Variants in PALM2AKAP2 observed in about 807,000 individuals in gnomAD.
PALM2AKAP2 encodes the protein PALM2 and AKAP2 fusion.
In PALM2AKAP2, 37 loss-of-function variants were observed where a neutral mutation model predicts 71.5. The observed-to-expected ratio is 0.52, with a 90% CI of 0.40 to 0.68. The LOEUF is 0.68. Ranked by LOEUF, PALM2AKAP2 falls within the 30% of genes least tolerant of loss-of-function variation. PALM2AKAP2 has a pLI of 0.00. For synonymous variants in PALM2AKAP2, 468 were observed against 478.8 expected (o/e 0.98, Z 0.29); for missense variants, 1,224 against 1,191.8 (o/e 1.03, Z -0.40).
intron 1 of PALM2AKAP2, among the ~76,000 whole-genome samples, chr9:109,747,623 T>G (rs2118702428): frequency 6.6e-6 from 1 of 152,294 alleles, no homozygotes; most frequent in East Asian, 1.9e-4. Context: ...AAATATTGAA[T>G]CATGAAGTAA....
At chr9:109,913,780 G>A (rs865835405) in intron 3 of PALM2AKAP2, among the ~76,000 whole-genome samples, 10 of 145,610 alleles carry the variant, frequency 6.9e-5, no homozygotes, top group South Asian at 2.2e-4. Flanking sequence ...TTTTTGAGAC[G>A]GAGTCTGGCT....
chr9:109,728,464 G>A (rs969907626), intron 1 of PALM2AKAP2, among the ~76,000 whole-genome samples: 3 of 152,148 alleles, frequency 2.0e-5, no homozygotes, highest in Admixed American at 6.5e-5. Flanking sequence ...TAAAAGAAGC[G>A]AGCTGAGAAA....
At chr9:109,743,230 G>A (rs1431728451) in intron 1 of PALM2AKAP2, among the ~76,000 whole-genome samples, 6 of 152,164 alleles carry the variant, frequency 3.9e-5, no homozygotes. Flanking sequence ...ACTGCATCCT[G>A]GGAAGTGTAG....
chr9:109,781,154 C>T (rs1251869510), intron 1 of PALM2AKAP2, among the ~76,000 whole-genome samples: 1 of 152,168 alleles, frequency 6.6e-6, no homozygotes, highest in African/African-American at 2.4e-5. Flanking sequence ...TATCTGAAAA[C>T]CTATTTTCAG....
intron 1 of PALM2AKAP2, among the ~76,000 whole-genome samples, chr9:109,828,412 T>C (rs1485364341): frequency 6.6e-6 from 1 of 152,230 alleles, no homozygotes. Context: ...GACTAATCCA[T>C]GCATGAAGCT....
intron 1 of PALM2AKAP2, among the ~76,000 whole-genome samples, chr9:109,719,035 G>T (rs553347883): frequency 6.6e-6 from 1 of 152,214 alleles, no homozygotes; most frequent in East Asian, 1.9e-4. Flanking sequence ...AATAAAAACA[G>T]TCACTTCATA....
intron 6 of PALM2AKAP2, among the ~76,000 whole-genome samples, chr9:109,999,384 A>C (rs1366821808): frequency 2.0e-5 from 3 of 151,862 alleles, no homozygotes; most frequent in Non-Finnish European, 2.9e-5. Flanking sequence ...AATAAAAACA[A>C]ATAAAAATAA....
chr9:109,991,509 G>A (rs529340138), intron 6 of PALM2AKAP2, among the ~76,000 whole-genome samples: 1 of 152,264 alleles, frequency 6.6e-6, no homozygotes, highest in African/African-American at 2.4e-5. Flanking sequence ...AAGGTGTAAG[G>A]ATTACAGGCG....
At chr9:109,840,275 C>T (rs1184239778) in intron 1 of PALM2AKAP2, among the ~76,000 whole-genome samples, 1 of 152,166 alleles carries the variant, frequency 6.6e-6, no homozygotes, top group Non-Finnish European at 1.5e-5. Flanking sequence ...AAAGGATTCC[C>T]TATTTAATAA....
intron 7 of PALM2AKAP2, among the ~76,000 whole-genome samples, chr9:110,016,334 G>C (rs1258718006): frequency 6.6e-6 from 1 of 152,152 alleles, no homozygotes; most frequent in Non-Finnish European, 1.5e-5. Context: ...CTGTCGTAGG[G>C]TCTTCAGTGA....
intron 1 of PALM2AKAP2, among the ~76,000 whole-genome samples, chr9:109,718,863 G>A (rs1371750667): frequency 6.6e-6 from 1 of 151,984 alleles, no homozygotes; most frequent in Admixed American, 6.6e-5. Context: ...CTTTTCCAAT[G>A]GTGTTTTCCT....
Position 109,834,043 on chromosome 9 carries a change from T to C in PALM2AKAP2, c.46-33448T>C, listed in dbSNP as rs563378633. Among the ~76,000 whole-genome samples, 3 of 152,208 alleles carry C rather than the reference T, an allele frequency of 2.0e-5. No homozygotes were observed. In the South Asian group the frequency reaches 6.2e-4, roughly 32 times the overall value. On this transcript the variant is annotated intron_variant, in intron 1 of 9. Coordinates refer to the PALM2AKAP2 transcript ENST00000302798. ...GTCTGACCAACATGGTGAAACCCCG[T>C]CTCTACTAAAAAAATAAAAATTAGC...
At chr9:109,678,709 G>A (rs919758598) in intron 1 of PALM2AKAP2, among the ~76,000 whole-genome samples, 6 of 152,140 alleles carry the variant, frequency 3.9e-5, no homozygotes, top group African/African-American at 1.4e-4. Flanking sequence ...GGAAATCATT[G>A]TTAGTCCCAA....
intron 1 of PALM2AKAP2, among the ~76,000 whole-genome samples, chr9:110,067,041 T>C (rs1220615281): frequency 6.6e-6 from 1 of 152,160 alleles, no homozygotes; most frequent in African/African-American, 2.4e-5. Context: ...TGGCCTGGCT[T>C]TCTTTGCACT....
At chr9:109,801,580 A>G (rs1827430106) in intron 1 of PALM2AKAP2, among the ~76,000 whole-genome samples, 1 of 152,202 alleles carries the variant, frequency 6.6e-6, no homozygotes, top group Non-Finnish European at 1.5e-5. Flanking sequence ...GCCTGTCAGC[A>G]TGGAGCATGG....
intron 1 of PALM2AKAP2, among the ~76,000 whole-genome samples, chr9:109,845,662 T>C (rs1409920506): frequency 6.6e-6 from 1 of 152,186 alleles, no homozygotes; most frequent in Admixed American, 6.5e-5. Flanking sequence ...CTGGTCTCAG[T>C]CTTTGCTGGA....
intron 1 of PALM2AKAP2, among the ~76,000 whole-genome samples, chr9:109,690,934 G>A (rs532316544): frequency 4.4e-4 from 67 of 152,190 alleles, no homozygotes; most frequent in African/African-American, 1.4e-3. Flanking sequence ...TCAGCATGAG[G>A]AATGGATGTA....
At chr9:109,947,482 A>C (rs1831536336) in intron 6 of PALM2AKAP2, among the ~76,000 whole-genome samples, 2 of 152,206 alleles carry the variant, frequency 1.3e-5, no homozygotes, top group South Asian at 4.1e-4. Context: ...CCATTTATTT[A>C]ATGCCAGTTG....
At chr9:110,101,915 G>C (rs1399188708) in intron 1 of PALM2AKAP2, among the ~76,000 whole-genome samples, 2 of 152,200 alleles carry the variant, frequency 1.3e-5, no homozygotes. Flanking sequence ...TGTCTTCCCA[G>C]ATTACTCCTG....
Sources: allele counts gnomAD v4.1 joint callset (sites outside exome capture counted in the v4.1 genomes callset), GRCh38; gene constraint gnomAD v4.1.1; transcripts MANE v1.5; gene names NCBI Gene and HGNC (gene_info 2026-07-23, HGNC 2026-07-21).